The following ESR1 variants were observed in gnomAD, a reference collection of about 807,000 sequenced individuals.
ESR1 encodes the protein estrogen receptor 1.
ESR1 carries 12 observed loss-of-function variants against 52.7 expected under a neutral mutation model. The observed-to-expected ratio is 0.23, with a 90% CI of 0.15 to 0.37. The LOEUF (loss-of-function observed/expected upper bound fraction) is 0.37. ESR1 is among the 10% of genes least tolerant of loss of function. The pLI is 1.00. For synonymous variants in ESR1, 305 were observed against 316.8 expected (o/e 0.96, Z 0.39); for missense variants, 584 against 779.7 (o/e 0.75, Z 2.99).
intron 2 of ESR1, among the ~76,000 whole-genome samples, chr6:151,709,588 A>T (rs1421169066): frequency 6.6e-6 from 1 of 151,942 alleles, no homozygotes; most frequent in African/African-American, 2.4e-5. Flanking sequence ...AACAGTGTGC[A>T]AGGGTTCTCT....
In ESR1 at chr6:152,053,932, G is replaced by T. The variant is rs2046897159; in HGVS notation, c.1236-7059G>T. 6.6e-6 allele frequency among the ~76,000 whole-genome samples: 1 copy of T among 152,062 alleles called. No homozygotes were observed. The highest frequency in any genetic ancestry group is 1.5e-5 in the Non-Finnish European group (1 of 68,016). ...GTATAGGAATAATTGCACATTGTTT[G>T]TTGTAGCTGAAAATTACAAATAATA... On this transcript the variant is annotated intron_variant, in intron 5 of 7. Transcript: ENST00000206249. This position sits in a 1 kb window ranked among gnomAD's most constrained non-coding sequence, Gnocchi z 4.1.
intron 5 of ESR1, among the ~76,000 whole-genome samples, chr6:152,040,307 A>G (rs576246608): frequency 8.5e-5 from 13 of 152,306 alleles, no homozygotes; most frequent in African/African-American, 2.2e-4. Flanking sequence ...GGCGATGACA[A>G]TGGTGGCTGG....
intron 4 of ESR1, among the ~76,000 whole-genome samples, chr6:151,968,740 G>A (rs2038576181): frequency 6.6e-6 from 1 of 152,098 alleles, no homozygotes; most frequent in African/African-American, 2.4e-5. Context: ...CACTGGGCGA[G>A]CTGATCTGGT....
At chr6:151,733,548 T>C (rs1215138782) in intron 2 of ESR1, among the ~76,000 whole-genome samples, 1 of 152,194 alleles carries the variant, frequency 6.6e-6, no homozygotes, top group Non-Finnish European at 1.5e-5. Context: ...TCAGGCACAC[T>C]TCACATAAAT....
At chr6:151,773,888 T>G (rs1431820727) in intron 2 of ESR1, among the ~76,000 whole-genome samples, 3 of 152,242 alleles carry the variant, frequency 2.0e-5, no homozygotes, top group Non-Finnish European at 4.4e-5. Context: ...TGAATTTCTC[T>G]TTGAATTGTT....
intron 6 of ESR1, among the ~76,000 whole-genome samples, chr6:152,093,526 T>C (rs996218152): frequency 3.5e-4 from 54 of 152,228 alleles, no homozygotes; most frequent in African/African-American, 1.2e-3. Context: ...CAACCTCATA[T>C]ACAATCTCAG....
chr6:151,956,294 C>G (rs1427027981), intron 4 of ESR1, among the ~76,000 whole-genome samples: 1 of 152,164 alleles, frequency 6.6e-6, no homozygotes, highest in East Asian at 1.9e-4. Flanking sequence ...TCTTTTAGTT[C>G]TGTGTGTGAA....
chr6:151,897,441 T>G (rs1795715744), intron 3 of ESR1, among the ~76,000 whole-genome samples: 1 of 152,240 alleles, frequency 6.6e-6, no homozygotes, highest in Non-Finnish European at 1.5e-5. Flanking sequence ...AATGCTCTTC[T>G]TTGTCTTTTT....
intron 1 of ESR1, among the ~76,000 whole-genome samples, chr6:151,669,062 C>A (rs77882579): frequency 0.039 from 5,783 of 147,886 alleles, 125 homozygotes; most frequent in African/African-American, 0.07. Flanking sequence ...AAATGTGAAA[C>A]CATTGCAGAT....
intron 4 of ESR1, among the ~76,000 whole-genome samples, chr6:151,987,209 AC>A (rs2040571998): frequency 1.3e-5 from 2 of 151,992 alleles, no homozygotes; most frequent in Non-Finnish European, 2.9e-5. Context: ...CTCCTACTGC[AC>A]CCACCCAGCA....
rs539507460 is a variant in ESR1, at chr6:152,094,010, G to T, written c.1370-375G>T. Among the ~76,000 whole-genome samples the T allele has an allele frequency of 6.6e-6, 1 of 152,280 alleles. No homozygotes were observed. Among genetic ancestry groups the T allele is most frequent in the South Asian group, 2.1e-4 (1 of 4,826 alleles). Reference sequence around the variant, plus strand: ...GCCTTTTTGTTTCTTGATGTGAAAAGGAACAACAGTGGCTGCTCACAGGGT... The same window carrying T: ...GCCTTTTTGTTTCTTGATGTGAAAATGAACAACAGTGGCTGCTCACAGGGT... On this transcript the variant is annotated intron_variant, in intron 6 of 7. Transcript: ENST00000206249. This position sits in a 1 kb window ranked among gnomAD's most constrained non-coding sequence, Gnocchi z 4.6.
At chr6:151,946,848 T>A (rs914375821) in intron 4 of ESR1, among the ~76,000 whole-genome samples, 1 of 152,202 alleles carries the variant, frequency 6.6e-6, no homozygotes, top group Non-Finnish European at 1.5e-5. Context: ...TACAGATGGT[T>A]GTCAAACTTT....
downstream of ESR1, among the ~76,000 whole-genome samples, chr6:152,106,579 C>G (rs1409729242): frequency 2.6e-5 from 4 of 151,970 alleles, no homozygotes; most frequent in Admixed American, 6.6e-5. Context: ...TGTTTCAGCA[C>G]TTTTTGTTTT....
At chr6:151,679,434 C>G (rs1468327753) in intron 1 of ESR1, among the ~76,000 whole-genome samples, 1 of 152,188 alleles carries the variant, frequency 6.6e-6, no homozygotes, top group Non-Finnish European at 1.5e-5. Flanking sequence ...ACCGCAACCT[C>G]CGTCTCCCAG....
chr6:152,046,790 A>T (rs527734933), intron 5 of ESR1, among the ~76,000 whole-genome samples: 1 of 152,180 alleles, frequency 6.6e-6, no homozygotes, highest in Admixed American at 6.5e-5. Flanking sequence ...CATGGATAGC[A>T]TTACTCTCCT....
At chr6:151,840,779 T>A (rs908020789) in intron 1 of ESR1, among the ~76,000 whole-genome samples, 6 of 152,230 alleles carry the variant, frequency 3.9e-5, no homozygotes, top group African/African-American at 1.2e-4. Flanking sequence ...TTTCATTTTT[T>A]AAAAAATGTT....
chr6:151,962,538 A>C (rs2037788576), intron 4 of ESR1, among the ~76,000 whole-genome samples: 1 of 152,224 alleles, frequency 6.6e-6, no homozygotes, highest in South Asian at 2.1e-4. Flanking sequence ...GCAACAAACT[A>C]AATAGCGATA....
chr6:152,005,451 G>C (rs901848076), intron 4 of ESR1, among the ~76,000 whole-genome samples: 2 of 151,898 alleles, frequency 1.3e-5, no homozygotes, highest in African/African-American at 4.8e-5. Context: ...ATGAGGGCAA[G>C]CACAAACTGC....
rs538442408 is a variant in ESR1 at position 151,963,988 on chromosome 6, G to A, written c.1096+19480G>A. 2.0e-5 allele frequency among the ~76,000 whole-genome samples: 3 copies of A among 152,144 alleles called. No individual in the cohort carries two copies. In the East Asian group the frequency reaches 5.8e-4, roughly 29 times the overall value. On this transcript the variant is annotated intron_variant, in intron 4 of 7. Coordinates refer to ENST00000206249, the MANE Select transcript of ESR1 (RefSeq NM_000125.4). ...GTAAATAAGTTGATCTTACTTGTGC[G>A]GGTTTATTTCTGGGCCTTCTAATCT...
Sources: allele counts gnomAD v4.1 joint callset (sites outside exome capture counted in the v4.1 genomes callset), GRCh38; gene constraint gnomAD v4.1.1; non-coding constraint Gnocchi (gnomAD v3.1); transcripts MANE v1.5; gene names NCBI Gene and HGNC (gene_info 2026-07-23, HGNC 2026-07-21).